Variants in SPATA31E1 observed in about 807,000 individuals in gnomAD.
SPATA31E1 encodes SPATA31 subfamily E member 1.
SPATA31E1 carries 7 observed loss-of-function variants against 12.9 expected under a neutral mutation model. The observed-to-expected ratio is 0.54, with a 90% CI of 0.31 to 1.02. The LOEUF is 1.02. SPATA31E1 is among the 50% of genes least tolerant of loss of function. The pLI is 0.05. For missense variants in SPATA31E1, 1,961 were observed against 1,799.8 expected (o/e 1.09, Z -1.62); for synonymous variants, 771 against 719.0 (o/e 1.07, Z -1.16).
intron 2 of SPATA31E1, 104 bp from the exon 3 acceptor site, chr9:87,884,487 A>G: frequency 1.7e-6 from 2 of 1,201,494 alleles, no homozygotes; most frequent in South Asian, 2.5e-5. Flanking sequence ...CGAGGGCTTC[A>G]GGGTCTAGTC....
In SPATA31E1 at chr9:87,883,152, C is replaced by T. The variant is rs1208639667; in HGVS notation, c.261C>T (p.His87=). The T allele has an allele frequency of 6.3e-7, 1 of 1,594,430 alleles. No homozygotes were observed. Among genetic ancestry groups the T allele is most frequent in the Non-Finnish European group, 8.6e-7 (1 of 1,168,944 alleles). ...TCTTCCTATTGCTCCTCTACGTCCA[C>T]AGTGACCCACCCTCACCCCCGCCCG... ...VLLFLLLLYV[H]SDPPSPPPGR... is the part of the protein sequence containing the mutation. The change falls in exon 1 of 4, where the codon CAC becomes CAT. Residue 87 remains histidine, a synonymous_variant. Coordinates refer to ENST00000325643, the MANE Select transcript of SPATA31E1 (RefSeq NM_178828.5).
At chr9:87,884,674 C>A (rs1828231364) in intron 3 of SPATA31E1, 23 bp downstream of exon 3, 1 of 1,613,860 alleles carries the variant, frequency 6.2e-7, no homozygotes, top group Non-Finnish European at 8.5e-7. Context: ...CCCCTTCTGT[C>A]CCTGTCCTCC....
chr9:87,883,904 T>A, intron 1 of SPATA31E1, 88 bp from the exon 2 acceptor site: 1 of 1,416,618 alleles, frequency 7.1e-7, no homozygotes, highest in Non-Finnish European at 9.7e-7. Context: ...GAGAGCCGTG[T>A]CCCTCATGAG....
rs577634479 is a variant in SPATA31E1, at chr9:87,885,352, C to T, written c.865C>T (p.Pro289Ser). The T allele has an allele frequency of 6.2e-7, 1 of 1,613,992 alleles. No homozygotes were observed. The highest frequency in any genetic ancestry group is 1.1e-5 in the South Asian group (1 of 91,050). ...TCTACACAACCAGGTGCTGCCTCCT[C>T]CAACCAGGGTGATCTCTGGCCTGGG... ...SPLHNQVLPP[P>S]TRVISGLGCS... The change falls in exon 4 of 4, where the codon CCA becomes TCA. Residue 289 changes from proline (P) to serine (S), a missense_variant. Transcript: ENST00000325643.
At position 87,885,761 on chromosome 9, in the gene SPATA31E1, C is replaced by A; in HGVS notation, c.1274C>A (p.Ala425Asp). ...CCCCGTCCTCAGCAAGTCTCTGATG[C>A]CACAACCGTGGGGAACCACTTACAG... is the stretch of plus-strand genomic sequence containing the variant. The part of the protein sequence containing the change: ...QLPRPQQVSD[A>D]TTVGNHLQQK... Residue 425 changes from alanine to aspartate, a missense_variant, in exon 4 of 4, where the codon GCC (alanine) becomes GAC (aspartate). Transcript: ENST00000325643. The A allele has an allele frequency of 1.9e-6, 3 of 1,614,026 alleles. No individual in the cohort carries two copies. The highest frequency in any genetic ancestry group is 1.1e-5 in the South Asian group (1 of 91,080).
Position 87,885,347 on chromosome 9 carries a change from C to T in SPATA31E1, c.860C>T (p.Pro287Leu), listed in dbSNP as rs1305651636. ...QSSPLHNQVL[P>L]PPTRVISGLG... ...TCCCCTCTACACAACCAGGTGCTGC[C>T]TCCTCCAACCAGGGTGATCTCTGGC... is the stretch of plus-strand genomic sequence containing the variant. The change falls in exon 4 of 4, where the codon CCT becomes CTT. Residue 287 changes from proline to leucine, a missense_variant. Pro to Leu is a moderately conservative substitution (Grantham distance 98). Transcript: ENST00000325643. The T allele has an allele frequency of 6.2e-7, 1 of 1,614,006 alleles. No individual in the cohort carries two copies. Among genetic ancestry groups the T allele is most frequent in the Admixed American group, 1.7e-5 (1 of 60,024 alleles).
chr9:87,885,135 C>A lies in SPATA31E1; in HGVS notation c.648C>A (p.His216Gln), dbSNP rs763974872. The A allele has an allele frequency of 1.2e-6, 2 of 1,614,198 alleles. No individual in the cohort carries two copies. The highest frequency in any genetic ancestry group is 3.3e-5 in the Admixed American group (2 of 60,034). ...PMTFSEPFGP[H>Q]STLSASGPPE... ...CCTTCTCAGAGCCTTTTGGACCACA[C>A]TCAACCCTGAGTGCCTCCGGGCCAC... Residue 216 changes from histidine to glutamine, a missense_variant, in exon 4 of 4, where the codon CAC becomes CAA. Coordinates refer to ENST00000325643, the MANE Select transcript of SPATA31E1 (RefSeq NM_178828.5).
In SPATA31E1 at chr9:87,883,135, T is replaced by C. The variant is rs546421178; in HGVS notation, c.244T>C (p.Leu82=). The C allele has an allele frequency of 5.6e-6, 9 of 1,599,844 alleles. No homozygotes were observed. Among genetic ancestry groups the C allele is most frequent in the African/African-American group, 2.7e-5 (2 of 74,786 alleles). Residue 82 remains leucine (L), a synonymous_variant, in exon 1 of 4, where the codon TTG becomes CTG. Coordinates refer to ENST00000325643, the MANE Select transcript of SPATA31E1 (RefSeq NM_178828.5). The part of the protein sequence containing the change: ...SVCGLVLLFL[L]LLYVHSDPPS... The stretch of plus-strand genomic sequence containing the variant: ...GTGTGGCCTAGTGCTCCTCTTCCTA[T>C]TGCTCCTCTACGTCCACAGTGACCC...
At position 87,885,912 on chromosome 9, in the gene SPATA31E1, C is replaced by T. The variant is rs774072085; in HGVS notation, c.1425C>T (p.Ser475=). The change falls in exon 4 of 4, where the codon TCC becomes TCT. Residue 475 remains serine, a synonymous_variant. Coordinates refer to ENST00000325643, the MANE Select transcript of SPATA31E1 (RefSeq NM_178828.5). The stretch of plus-strand genomic sequence containing the variant: ...ACTCTGTACCACTGGATAAAGCCTC[C>T]ACTTCTCTTCCAGGTGAACCTGAGG... ...NAHSVPLDKA[S]TSLPGEPEVE... is the part of the protein sequence containing the mutation. 3.4e-5 allele frequency: 55 copies of T among 1,613,888 alleles called. No individual in the cohort carries two copies. The highest frequency in any genetic ancestry group is 4.4e-5 in the Non-Finnish European group (52 of 1,180,030).
Position 87,885,045 on chromosome 9 carries a change from T to C in SPATA31E1, c.558T>C (p.Pro186=). ...PHGKCMQDPS[P]ASLSPPAPPA... ...GGAAATGCATGCAAGATCCGTCTCC[T>C]GCCAGCTTGTCCCCACCAGCTCCCC... is the stretch of plus-strand genomic sequence containing the variant. The change falls in exon 4 of 4, where the codon CCT becomes CCC. Residue 186 remains proline (P), a synonymous_variant. Coordinates refer to ENST00000325643, the MANE Select transcript of SPATA31E1 (RefSeq NM_178828.5). The C allele has an allele frequency of 6.2e-7, 1 of 1,614,122 alleles. No homozygotes were observed. The highest frequency in any genetic ancestry group is 8.5e-7 in the Non-Finnish European group (1 of 1,179,996).
Position 87,887,788 on chromosome 9 carries a change from G to A in SPATA31E1, c.3301G>A (p.Ala1101Thr). 1 of 1,613,944 alleles carries A rather than the reference G, an allele frequency of 6.2e-7. No homozygotes were observed. Among genetic ancestry groups the A allele is most frequent in the Non-Finnish European group, 8.5e-7 (1 of 1,180,008 alleles). The change falls in exon 4 of 4, where the codon GCG becomes ACG. Residue 1101 changes from alanine to threonine, a missense_variant. Ala to Thr is a moderately conservative substitution (Grantham distance 58). Transcript: ENST00000325643. ...GAAAGCGCAGGTGGTCAGTGAGATT[G>A]CGCTCATAGTGCAGGTGGACTCAGA... Reference protein sequence around the residue: ...HLKAQVVSEIALIVQVDSEEQ... With the variant: ...HLKAQVVSEITLIVQVDSEEQ...
chr9:87,884,424 A>G (rs1828225239), intron 2 of SPATA31E1, among the ~76,000 whole-genome samples, 167 bp from the exon 3 acceptor site: 1 of 152,242 alleles, frequency 6.6e-6, no homozygotes, highest in Non-Finnish European at 1.5e-5. Context: ...AAAGTGCTGC[A>G]CAGTGGAAAC....
rs1828257113 is a variant in SPATA31E1, at chr9:87,885,698, A to G, written c.1211A>G (p.Asn404Ser). 1 of 1,613,324 alleles carries G rather than the reference A, an allele frequency of 6.2e-7. No individual in the cohort carries two copies. Among genetic ancestry groups the G allele is most frequent in the African/African-American group, 1.3e-5 (1 of 74,814 alleles). ...AAGGAGTGGGACATCACGACCCTAAATCCCTTCTGGAACGTGTCAACCCAG... is the reference window on the plus strand; with the variant it reads ...AAGGAGTGGGACATCACGACCCTAAGTCCCTTCTGGAACGTGTCAACCCAG... ...LGKEWDITTLNPFWNVSTQPQ... is the reference protein window; with the variant it reads ...LGKEWDITTLSPFWNVSTQPQ... Residue 404 changes from asparagine to serine, a missense_variant, in exon 4 of 4, where the codon AAT becomes AGT. Transcript: ENST00000325643.
rs1346908774 is a variant in SPATA31E1 at position 87,884,617 on chromosome 9, G to A, written c.391G>A (p.Glu131Lys). ...KACRILLREL[E>K]ETRDLNYLLE... ...TTGCAGAATCCTCCTGAGGGAGCTG[G>A]AGGAGACTCGGGACCTGAACTACCT... Residue 131 changes from glutamate to lysine, a missense_variant, in exon 3 of 4, where the codon GAG becomes AAG. Glu to Lys is a moderately conservative substitution (Grantham distance 56, BLOSUM62 1). Coordinates refer to ENST00000325643, the MANE Select transcript of SPATA31E1 (RefSeq NM_178828.5). 1.9e-6 allele frequency: 3 copies of A among 1,614,028 alleles called. No individual in the cohort carries two copies. The highest frequency in any genetic ancestry group is 2.2e-5 in the East Asian group (1 of 44,878).
chr9:87,884,478 G>A (rs1045094172), intron 2 of SPATA31E1, 113 bp from the exon 3 acceptor site: 4 of 1,091,114 alleles, frequency 3.7e-6, no homozygotes, highest in African/African-American at 1.5e-5. Context: ...ACACAGATGC[G>A]AGGGCTTCAG....
rs201720387 is a variant in SPATA31E1, at chr9:87,887,089, C to T, written c.2602C>T (p.Pro868Ser). 2 of 1,614,090 alleles carry T rather than the reference C, an allele frequency of 1.2e-6. No individual in the cohort carries two copies. The highest frequency in any genetic ancestry group is 2.2e-5 in the East Asian group (1 of 44,872). ...INVWSGEAQA[P>S]PFPQSTFTPW... ...TGTCTGGTCAGGTGAGGCTCAGGCC[C>T]CGCCCTTCCCACAATCCACCTTTAC... Residue 868 changes from proline (P) to serine (S), a missense_variant, in exon 4 of 4, where the codon CCG (proline) becomes TCG (serine). Transcript: ENST00000325643.
Position 87,886,739 on chromosome 9 carries a change from C to T in SPATA31E1, c.2252C>T (p.Ser751Phe), listed in dbSNP as rs991498528. ...TCCTGGAAGTACCAATCAGTAAGTTCCACACCCAGGGACCCAGACAAGGAG... is the reference window on the plus strand; with the variant it reads ...TCCTGGAAGTACCAATCAGTAAGTTTCACACCCAGGGACCCAGACAAGGAG... ...RRSWKYQSVS[S>F]TPRDPDKEHL... Residue 751 changes from serine (S) to phenylalanine (F), a missense_variant, in exon 4 of 4, where the codon TCC becomes TTC. Coordinates refer to ENST00000325643, the MANE Select transcript of SPATA31E1 (RefSeq NM_178828.5). 1.2e-6 allele frequency: 2 copies of T among 1,613,830 alleles called. No individual in the cohort carries two copies. Among genetic ancestry groups the T allele is most frequent in the Non-Finnish European group, 1.7e-6 (2 of 1,180,042 alleles).
intron 1 of SPATA31E1, among the ~76,000 whole-genome samples, chr9:87,883,489 T>C (rs900624744): frequency 6.6e-6 from 1 of 152,142 alleles, no homozygotes; most frequent in African/African-American, 2.4e-5. Flanking sequence ...CAGCCCTGGC[T>C]CATCACCCCC....
Position 87,886,974 on chromosome 9 carries a change from C to T in SPATA31E1, c.2487C>T (p.Pro829=). 1 of 1,614,110 alleles carries T rather than the reference C, an allele frequency of 6.2e-7. No homozygotes were observed. The highest frequency in any genetic ancestry group is 1.1e-5 in the South Asian group (1 of 91,082). Residue 829 remains proline, a synonymous_variant, in exon 4 of 4, where the codon CCC becomes CCT. Transcript: ENST00000325643. ...CCCAGGAGCTTTCCTTCCTCCATCC[C>T]TGCACCCAGCAGATACTGGAAGTAC... The part of the protein sequence containing the change: ...NTSQELSFLH[P]CTQQILEVHL...
Sources: gnomAD v4.1 joint callset for allele counts (sites outside exome capture counted in the v4.1 genomes callset) on GRCh38, gnomAD v4.1.1 for gene constraint, MANE v1.5 for transcripts, NCBI Gene and HGNC (gene_info 2026-07-23, HGNC 2026-07-21) for gene names.